Variants in GLIS2 observed in about 807,000 individuals in gnomAD.
GLIS2 encodes GLIS family zinc finger 2.
GLIS2 carries 14 observed loss-of-function variants against 35.6 expected under a neutral mutation model. That is an observed-to-expected ratio of 0.39 (90% CI 0.26 to 0.61). GLIS2 has a LOEUF of 0.61. GLIS2 is among the 20% of genes least tolerant of loss of function. The pLI, the probability that GLIS2 is intolerant of heterozygous loss-of-function variation, is 0.48. For missense variants in GLIS2, 675 were observed against 713.4 expected (o/e 0.95, Z 0.61); for synonymous variants, 368 against 325.1 (o/e 1.13, Z -1.42).
At chr16:4,327,448 G>C (rs1440687485) in intron 1 of GLIS2, among the ~76,000 whole-genome samples, 1 of 152,260 alleles carries the variant, frequency 6.6e-6, no homozygotes, top group African/African-American at 2.4e-5. Flanking sequence ...CCGGGCCTTA[G>C]TTTCCCTGAG....
intron 3 of GLIS2, among the ~76,000 whole-genome samples, chr16:4,334,540 A>G (rs2053529800): frequency 1.3e-5 from 2 of 151,790 alleles, no homozygotes; most frequent in South Asian, 2.1e-4. Flanking sequence ...ACCTGGCTAT[A>G]TATTTTTTTT....
rs1408057389 is a variant in GLIS2, at chr16:4,337,094, G to A, written c.1145G>A (p.Ser382Asn). 6.5e-7 allele frequency: 1 copy of A among 1,536,492 alleles called. No homozygotes were observed. The highest frequency in any genetic ancestry group is 8.7e-7 in the Non-Finnish European group (1 of 1,146,558). The stretch of plus-strand genomic sequence containing the variant: ...CTGGCCCCCGGCCCCCTTGACCTCA[G>A]TGCCCTGGCCTGTGGCAACGGTGGG... ...LPLAPGPLDL[S>N]ALACGNGGGS... Residue 382 changes from serine to asparagine, a missense_variant, in exon 7 of 7, where the codon AGT (serine) becomes AAT (asparagine). This residue lies in a region of GLIS2 where 317 missense variants were observed against 283.2 expected (regional missense o/e 1.12). Coordinates refer to ENST00000433375, the MANE Select transcript of GLIS2 (RefSeq NM_032575.3).
intron 6 of GLIS2, 100 bp from the exon 7 acceptor site, chr16:4,336,625 C>A: frequency 8.2e-7 from 1 of 1,215,158 alleles, no homozygotes; most frequent in Non-Finnish European, 1.2e-6. Context: ...CATCTATGTT[C>A]CCAGGGAGTG....
chr16:4,315,119 C>A (rs1567214023), upstream of GLIS2: 1 of 152,158 alleles, frequency 6.6e-6, no homozygotes, highest in Admixed American at 6.5e-5. Context: ...CCGCGGCGCT[C>A]GGGCTAGTGG....
chr16:4,334,782 C>T lies in GLIS2; in HGVS notation c.346-19C>T. 1 of 1,612,970 alleles carries T rather than the reference C, an allele frequency of 6.2e-7. No homozygotes were observed. Among genetic ancestry groups the T allele is most frequent in the Admixed American group, 1.7e-5 (1 of 59,986 alleles). On this transcript the variant is annotated intron_variant, in intron 3 of 6. Transcript: ENST00000433375. ...TCTGGGCCAGCAGGACCTTGACTAG[C>T]CCTCCCCTCGCACCCCAGGACTTCC...
At chr16:4,328,341 C>CT (rs1460201477) in intron 1 of GLIS2, 1 of 152,402 alleles carries the variant, frequency 6.6e-6, no homozygotes, top group Non-Finnish European at 1.5e-5. Flanking sequence ...TAGCTCTCGC[C>CT]TGCCCCCTTC....
intron 1 of GLIS2, among the ~76,000 whole-genome samples, chr16:4,330,570 A>C (rs532268698): frequency 1.5e-4 from 22 of 150,026 alleles, no homozygotes; most frequent in Admixed American, 4.6e-4. Context: ...GGCTGTGCCC[A>C]CTTTCTCGGT....
chr16:4,315,337 G>T (rs1024487791), upstream of GLIS2: 3 of 152,180 alleles, frequency 2.0e-5, no homozygotes, highest in Non-Finnish European at 2.9e-5. Context: ...CGGGACCTCT[G>T]CCCGCCGGGC....
rs2141132843 is a variant in GLIS2 at position 4,334,990 on chromosome 16, C to G, written c.522+13C>G. On this transcript the variant is annotated intron_variant, in intron 4 of 6. Coordinates refer to ENST00000433375, the MANE Select transcript of GLIS2 (RefSeq NM_032575.3). ...TCGCTGGGCCAAGGTGAGTGGGGGC[C>G]AGCAAGAGTAGTGTGGAGTCTGGGG... 2 of 1,613,234 alleles carry G rather than the reference C, an allele frequency of 1.2e-6. No individual in the cohort carries two copies. Among genetic ancestry groups the G allele is most frequent in the South Asian group, 2.2e-5 (2 of 91,082 alleles).
intron 1 of GLIS2, among the ~76,000 whole-genome samples, 58 bp downstream of exon 1, chr16:4,316,312 G>T (rs866508288): frequency 7.3e-6 from 1 of 137,640 alleles, no homozygotes; most frequent in African/African-American, 2.8e-5. Context: ...GGGGGGGGGG[G>T]CCCGCCTGTC....
intron 1 of GLIS2, chr16:4,331,569 G>A (rs1173502151): frequency 6.5e-6 from 1 of 153,884 alleles, no homozygotes; most frequent in African/African-American, 2.4e-5. Context: ...CGCCGGATTA[G>A]TCTCCCGACC....
chr16:4,325,087 G>T (rs1171709735), intron 1 of GLIS2, among the ~76,000 whole-genome samples: 2 of 152,320 alleles, frequency 1.3e-5, no homozygotes, highest in South Asian at 2.1e-4. Context: ...TTTGGCAGCA[G>T]ATCTGCCCTC....
intron 1 of GLIS2, among the ~76,000 whole-genome samples, chr16:4,328,101 G>T (rs866677026): frequency 6.4e-4 from 98 of 152,330 alleles, no homozygotes; most frequent in African/African-American, 2.2e-3. Context: ...CGCTGCGCCC[G>T]GGGAGCATCC....
chr16:4,322,623 C>A (rs544845091), intron 1 of GLIS2, among the ~76,000 whole-genome samples: 38 of 138,346 alleles, frequency 2.7e-4, no homozygotes, highest in African/African-American at 8.7e-4. Flanking sequence ...CAGGAGCAGC[C>A]CCCCCCCTAC....
At chr16:4,315,725 T>G (rs1339567343), upstream of GLIS2, among the ~76,000 whole-genome samples, 1 of 146,890 alleles carries the variant, frequency 6.8e-6, no homozygotes, top group Admixed American at 6.7e-5. Flanking sequence ...GGCGCCCCAC[T>G]TCCCTCCCTC....
At chr16:4,325,535 A>G (rs903330061) in intron 1 of GLIS2, among the ~76,000 whole-genome samples, 8 of 152,124 alleles carry the variant, frequency 5.3e-5, no homozygotes, top group African/African-American at 1.9e-4. Flanking sequence ...ATACTGCTGA[A>G]GTGATGGTTC....
In GLIS2 at chr16:4,334,542, A is replaced by AT. The variant is rs1179325451; in HGVS notation, c.346-251dup. ...CGTGAGCCACCGCACCTGGCTATAT[A>AT]TTTTTTTTAATTAAGAAAATAAAAA... On this transcript the variant is annotated intron_variant, in intron 3 of 6. Transcript: ENST00000433375. Among the ~76,000 whole-genome samples, 21 of 151,580 alleles carry AT rather than the reference A, an allele frequency of 1.4e-4. No homozygotes were observed. The East Asian group carries it at 3.7e-3, about 27-fold the overall frequency.
In GLIS2 at chr16:4,332,360, C is replaced by T. The variant is rs759614674; in HGVS notation, c.80C>T (p.Thr27Met). The T allele has an allele frequency of 1.5e-5, 25 of 1,612,982 alleles. No homozygotes were observed. Among genetic ancestry groups the T allele is most frequent in the Non-Finnish European group, 1.9e-5 (23 of 1,180,018 alleles). Residue 27 changes from threonine to methionine, a missense_variant, in exon 2 of 7, where the codon ACG (threonine) becomes ATG (methionine). Physicochemically the swap from Thr to Met is moderately conservative, Grantham distance 81. This residue lies in a region of GLIS2 where 225 missense variants were observed against 238.7 expected (regional missense o/e 0.94). Coordinates refer to ENST00000433375, the MANE Select transcript of GLIS2 (RefSeq NM_032575.3). This position sits in a 1 kb window ranked among gnomAD's most constrained non-coding sequence, Gnocchi z 5.4. ...GCGGCAAGAGAGAAGCGGGAGAGGACGCTGGGTGTGGTCCGGCCCCGTGCT... is the reference window on the plus strand; with the variant it reads ...GCGGCAAGAGAGAAGCGGGAGAGGATGCTGGGTGTGGTCCGGCCCCGTGCT... The part of the protein sequence containing the change: ...LRAAREKRER[T>M]LGVVRPRALH...
At chr16:4,319,974 G>A (rs2053360070) in intron 1 of GLIS2, among the ~76,000 whole-genome samples, 3 of 151,820 alleles carry the variant, frequency 2.0e-5, no homozygotes, top group Non-Finnish European at 4.4e-5. Flanking sequence ...GCTGAGGGGT[G>A]GGGGCTTCCC....
Sources: gnomAD v4.1 joint callset for allele counts (sites outside exome capture counted in the v4.1 genomes callset) on GRCh38, gnomAD v4.1.1 for gene constraint, gnomAD v4.1.1 regional missense constraint, Gnocchi (gnomAD v3.1) non-coding constraint, MANE v1.5 for transcripts, NCBI Gene and HGNC (gene_info 2026-07-23, HGNC 2026-07-21) for gene names.